TOX2: variants seen among roughly 807,000 people sequenced by gnomAD.
TOX2 encodes TOX high mobility group box family member 2.
Under a neutral mutation model 47.4 loss-of-function variants are expected in TOX2, and 15 were observed. The ratio of observed to expected loss-of-function variants is 0.32; its 90% confidence interval spans 0.21 to 0.49. The LOEUF (loss-of-function observed/expected upper bound fraction) is 0.49, where lower values mean the gene tolerates loss of function less well. Ranked by LOEUF, TOX2 falls within the 20% of genes least tolerant of loss-of-function variation. The pLI, the probability that TOX2 is intolerant of heterozygous loss-of-function variation, is 0.99. For synonymous variants in TOX2, 290 were observed against 296.6 expected, an observed-to-expected ratio of 0.98 and a Z score of 0.23; for missense variants, 622 against 673.1, an observed-to-expected ratio of 0.92 and a Z score of 0.84.
Position 43,915,638 on chromosome 20 carries a change from CTCGG to C in TOX2, c.99+651_99+654del, listed in dbSNP as rs2069047322. Among the ~76,000 whole-genome samples, 1 of 152,248 alleles carries C rather than the reference CTCGG, an allele frequency of 6.6e-6. No homozygotes were observed. Among genetic ancestry groups the C allele is most frequent in the Admixed American group, 6.5e-5 (1 of 15,286 alleles). On this transcript the variant is annotated intron_variant, in intron 1 of 8. Coordinates refer to ENST00000341197, the MANE Select transcript of TOX2 (RefSeq NM_001098797.2). This position sits in a 1 kb window ranked among gnomAD's most constrained non-coding sequence, Gnocchi z 7.1. The stretch of plus-strand genomic sequence containing the variant: ...CGGTCACACCCAGGGACGGCCACAC[CTCGG>C]TCATCCACACTCGCGCGTCGAGGTT...
At chr20:44,031,616 G>A (rs895098455) in intron 3 of TOX2, among the ~76,000 whole-genome samples, 2 of 152,070 alleles carry the variant, frequency 1.3e-5, no homozygotes, top group African/African-American at 4.8e-5. Flanking sequence ...AGAACCAACC[G>A]AGAATACACC....
intron 2 of TOX2, among the ~76,000 whole-genome samples, chr20:43,979,659 G>A (rs1406335818): frequency 2.2e-4 from 33 of 152,082 alleles, no homozygotes; most frequent in South Asian, 2.1e-4. Context: ...GATATATAAG[G>A]AGCTCAAATG....
At chr20:44,058,956 T>C (rs1328733920) in intron 5 of TOX2, among the ~76,000 whole-genome samples, 2 of 149,548 alleles carry the variant, frequency 1.3e-5, no homozygotes, top group South Asian at 2.1e-4. Context: ...TCTGGTAATA[T>C]GACAAAACGA....
intron 1 of TOX2, among the ~76,000 whole-genome samples, chr20:43,934,678 G>T: frequency 6.6e-6 from 1 of 152,106 alleles, no homozygotes; most frequent in Non-Finnish European, 1.5e-5. Flanking sequence ...GGGCTTTGGG[G>T]CAGGCGTGAT....
chr20:44,056,226 C>T (rs1038658195), intron 5 of TOX2, among the ~76,000 whole-genome samples: 4 of 152,204 alleles, frequency 2.6e-5, no homozygotes, highest in African/African-American at 4.8e-5. Flanking sequence ...ATGCCAGGCT[C>T]CTGCCACCAG....
At chr20:43,956,865 G>A (rs1379897010) in intron 1 of TOX2, among the ~76,000 whole-genome samples, 2 of 152,090 alleles carry the variant, frequency 1.3e-5, no homozygotes, top group Non-Finnish European at 2.9e-5. Flanking sequence ...TGTTTCTTAA[G>A]ATATCGCCTC....
intron 2 of TOX2, among the ~76,000 whole-genome samples, chr20:44,000,156 C>T (rs1300766622): frequency 6.6e-6 from 1 of 152,078 alleles, no homozygotes; most frequent in Non-Finnish European, 1.5e-5. Flanking sequence ...AGCATGGGGC[C>T]GTTGTTCCTT....
chr20:43,950,022 C>T (rs1243597397), intron 1 of TOX2, among the ~76,000 whole-genome samples: 1 of 87,440 alleles, frequency 1.1e-5, no homozygotes, highest in African/African-American at 4.7e-5. Flanking sequence ...GGACAAGCCA[C>T]CTAGCCTCTC....
chr20:43,986,026 G>T (rs2070257566), intron 2 of TOX2, among the ~76,000 whole-genome samples: 1 of 152,202 alleles, frequency 6.6e-6, no homozygotes, highest in Admixed American at 6.5e-5. Context: ...AAAACCTTCA[G>T]TGAAGTTCTT....
intron 5 of TOX2, among the ~76,000 whole-genome samples, chr20:44,054,997 G>A (rs970033855): frequency 6.6e-6 from 1 of 152,156 alleles, no homozygotes; most frequent in East Asian, 1.9e-4. Context: ...TCTGAGCCTC[G>A]GTTTTCATGT....
At chr20:43,952,233 C>T (rs560100534) in intron 1 of TOX2, among the ~76,000 whole-genome samples, 1 of 152,106 alleles carries the variant, frequency 6.6e-6, no homozygotes, top group East Asian at 1.9e-4. Context: ...GAGACGGGGC[C>T]TTGCTATGTT....
At position 43,969,656 on chromosome 20, in the gene TOX2, C is replaced by T. The variant is rs573448655; in HGVS notation, c.100-3711C>T. 3.3e-5 allele frequency among the ~76,000 whole-genome samples: 5 copies of T among 152,214 alleles called. No individual in the cohort carries two copies. In the South Asian group the frequency reaches 6.2e-4, roughly 19 times the overall value. The stretch of plus-strand genomic sequence containing the variant: ...GAGGTGGGCAAAGAACAGGCCTCCC[C>T]GCCCACTCAGGGCCTCTGCTCACTG... On this transcript the variant is annotated intron_variant, in intron 1 of 8. Transcript: ENST00000341197.
At chr20:44,001,914 T>C (rs2070590797) in intron 2 of TOX2, among the ~76,000 whole-genome samples, 2 of 152,130 alleles carry the variant, frequency 1.3e-5, no homozygotes, top group African/African-American at 4.8e-5. Flanking sequence ...ACAAGAGAGT[T>C]AAAGGACTTC....
chr20:43,924,975 G>T (rs972867286), intron 1 of TOX2, among the ~76,000 whole-genome samples: 1 of 151,990 alleles, frequency 6.6e-6, no homozygotes, highest in African/African-American at 2.4e-5. Context: ...TAATACATTC[G>T]TTGTTTTTAT....
chr20:43,942,993 C>A (rs2069420390), intron 1 of TOX2, among the ~76,000 whole-genome samples: 1 of 152,200 alleles, frequency 6.6e-6, no homozygotes, highest in Non-Finnish European at 1.5e-5. Flanking sequence ...CCCCCTCCAA[C>A]CCACATTAAA....
At chr20:43,923,898 G>A (rs549603553) in intron 1 of TOX2, among the ~76,000 whole-genome samples, 11 of 152,344 alleles carry the variant, frequency 7.2e-5, no homozygotes, top group South Asian at 4.1e-4. Context: ...TCTGAAGAAC[G>A]CCATCCCACA....
intron 3 of TOX2, among the ~76,000 whole-genome samples, chr20:44,037,895 G>T (rs1251062100): frequency 1.3e-5 from 2 of 152,174 alleles, no homozygotes; most frequent in Non-Finnish European, 2.9e-5. Context: ...ACAGGCAGAG[G>T]TTGGAACCGT....
chr20:43,935,801 C>T (rs1260764157), intron 1 of TOX2, among the ~76,000 whole-genome samples: 1 of 151,854 alleles, frequency 6.6e-6, no homozygotes, highest in Admixed American at 6.6e-5. Flanking sequence ...GTGGTGCATG[C>T]CTGTAATCCT....
At chr20:43,997,169 T>G (rs1386982387) in intron 2 of TOX2, among the ~76,000 whole-genome samples, 1 of 152,200 alleles carries the variant, frequency 6.6e-6, no homozygotes, top group Admixed American at 6.5e-5. Context: ...AGATCGATAG[T>G]CAAAATGGCA....
Sources: allele counts gnomAD v4.1 joint callset (sites outside exome capture counted in the v4.1 genomes callset), GRCh38; gene constraint gnomAD v4.1.1; non-coding constraint Gnocchi (gnomAD v3.1); transcripts MANE v1.5; gene names NCBI Gene and HGNC (gene_info 2026-07-23, HGNC 2026-07-21).